The following DSC1 variants were observed in gnomAD, a reference collection of about 807,000 sequenced individuals.
DSC1 encodes the protein desmocollin-1.
In DSC1, 79 loss-of-function variants were observed where a neutral mutation model predicts 98.8. The ratio of observed to expected loss-of-function variants is 0.80; its 90% CI spans 0.67 to 0.96. DSC1 has a LOEUF of 0.96. Among genes scored for constraint, DSC1 ranks in the 50% least tolerant of loss-of-function variants. The pLI is 0.00. For synonymous variants in DSC1, 405 were observed against 372.1 expected, an observed-to-expected ratio of 1.09 and a Z score of -1.02; for missense variants, 1,115 against 1,075.9, an observed-to-expected ratio of 1.04 and a Z score of -0.51.
chr18:31,134,530 C>A, intron 12 of DSC1, 42 bp downstream of exon 12: 1 of 1,446,896 alleles, frequency 6.9e-7, no homozygotes. Context: ...CATCACCAAT[C>A]TGAAGTCCGT....
intron 12 of DSC1, 104 bp from the exon 13 acceptor site, chr18:31,134,234 T>C: frequency 7.1e-7 from 1 of 1,407,828 alleles, no homozygotes; most frequent in African/African-American, 1.5e-5. Context: ...GAATAAAAAC[T>C]CGAATTTTTC....
intron 5 of DSC1, among the ~76,000 whole-genome samples, chr18:31,153,812 G>A (rs188797035): frequency 3.9e-5 from 6 of 152,056 alleles, no homozygotes; most frequent in Admixed American, 3.9e-4. Flanking sequence ...GCATCTTCCT[G>A]GAATACTTGT....
chr18:31,155,147 CT>C (rs1989071573), intron 4 of DSC1, among the ~76,000 whole-genome samples: 1 of 152,102 alleles, frequency 6.6e-6, no homozygotes. Flanking sequence ...TTGATCTCAA[CT>C]TTTTTGTCAT....
At chr18:31,148,949 C>T (rs1988904315) in intron 5 of DSC1, among the ~76,000 whole-genome samples, 1 of 152,150 alleles carries the variant, frequency 6.6e-6, no homozygotes. Context: ...CCAACTATGT[C>T]ATTAACACGT....
chr18:31,130,761 A>G (rs1234257016), intron 15 of DSC1, 50 bp from the exon 16 acceptor site: 2 of 1,611,876 alleles, frequency 1.2e-6, no homozygotes, highest in Non-Finnish European at 1.7e-6. Context: ...ACACCTAAAC[A>G]TATTAGCAGA....
intron 15 of DSC1, chr18:31,130,922 C>T (rs1211789380): frequency 7.5e-7 from 1 of 1,334,136 alleles, no homozygotes; most frequent in Admixed American, 2.3e-5. Flanking sequence ...CTAGTGAGCA[C>T]ATTTAAAAAA....
intron 11 of DSC1, among the ~76,000 whole-genome samples, chr18:31,138,599 T>C (rs1432867083): frequency 1.6e-5 from 2 of 123,924 alleles, no homozygotes; most frequent in Non-Finnish European, 3.5e-5. Flanking sequence ...TGAGAACACA[T>C]TGTTTGCATT....
At position 31,158,354 on chromosome 18, in the gene DSC1, A is replaced by G. The variant is rs561855453; in HGVS notation, c.149-781T>C. 2.6e-5 allele frequency among the ~76,000 whole-genome samples: 4 copies of G among 152,338 alleles called. No individual in the cohort carries two copies. The East Asian group carries it at 5.8e-4, about 22-fold the overall frequency. ...AATAATCTTTCTGTAATATCTTTCA[A>G]GGTTTAGTAAACCCGATGCGCTGTG... On this transcript the variant is annotated intron_variant, in intron 2 of 15. Coordinates refer to ENST00000257198, the MANE Select transcript of DSC1 (RefSeq NM_024421.2).
chr18:31,158,697 C>CA (rs1269887501), intron 2 of DSC1, among the ~76,000 whole-genome samples: 1 of 152,118 alleles, frequency 6.6e-6, no homozygotes, highest in Non-Finnish European at 1.5e-5. Flanking sequence ...AAATATGTCA[C>CA]ATTTATTCTT....
At chr18:31,132,514 A>G in intron 14 of DSC1, 54 bp downstream of exon 14, 1 of 1,598,470 alleles carries the variant, frequency 6.3e-7, no homozygotes, top group Non-Finnish European at 8.5e-7. Flanking sequence ...TTGAGTAATA[A>G]TCTGTCATCA....
At chr18:31,139,580 A>C (rs1190921693) in intron 11 of DSC1, among the ~76,000 whole-genome samples, 168 bp downstream of exon 11, 1 of 152,172 alleles carries the variant, frequency 6.6e-6, no homozygotes, top group Non-Finnish European at 1.5e-5. Context: ...ATAGCTTTGC[A>C]TTATAGATGC....
chr18:31,135,605 A>G (rs1048956356), intron 11 of DSC1, among the ~76,000 whole-genome samples: 4 of 152,154 alleles, frequency 2.6e-5, no homozygotes, highest in African/African-American at 7.2e-5. Flanking sequence ...AATGCAATTC[A>G]TATGTTCTTG....
chr18:31,143,680 G>A lies in DSC1; in HGVS notation c.1051C>T (p.Pro351Ser). Residue 351 changes from proline (P) to serine (S), a missense_variant, in exon 8 of 16, where the codon CCA becomes TCA. Transcript: ENST00000257198. ...ACAGAAGTTTCTGTGAAAGATGGTG[G>A]ATTGTCATTTTCATCCTCAAGTGAA... ...TISLEDENDN[P>S]PSFTETSYVT... is the part of the protein sequence containing the mutation. 1 of 1,584,882 alleles carries A rather than the reference G, an allele frequency of 6.3e-7. No individual in the cohort carries two copies. Among genetic ancestry groups the A allele is most frequent in the South Asian group, 1.2e-5 (1 of 85,704 alleles).
chr18:31,160,564 C>T (rs983702653), intron 1 of DSC1, among the ~76,000 whole-genome samples: 9 of 151,856 alleles, frequency 5.9e-5, no homozygotes, highest in Non-Finnish European at 1.3e-4. Flanking sequence ...TGTAATTTTA[C>T]AAAAATCTAT....
At chr18:31,159,358 T>C (rs1989166944) in intron 2 of DSC1, 87 bp downstream of exon 2, 3 of 1,385,074 alleles carry the variant, frequency 2.2e-6, no homozygotes, top group African/African-American at 2.9e-5. Flanking sequence ...CGGCCTACTA[T>C]GTGGTTTTTA....
In DSC1 at chr18:31,130,622, G is replaced by T; in HGVS notation, c.2577C>A (p.Ala859=). Residue 859 remains alanine (A), a synonymous_variant, in exon 16 of 16, where the codon GCC becomes GCA. Coordinates refer to ENST00000257198, the MANE Select transcript of DSC1 (RefSeq NM_024421.2). ...SYNYEGKGSL[A]GSVGCCSDRQ... is the part of the protein sequence containing the mutation. ...GATCGCTGCAGCAACCTACTGAGCC[G>T]GCCAGAGAACCTTTGCCTTCATAGT... The T allele has an allele frequency of 6.2e-7, 1 of 1,614,070 alleles. No homozygotes were observed. The highest frequency in any genetic ancestry group is 8.5e-7 in the Non-Finnish European group (1 of 1,180,012).
intron 5 of DSC1, among the ~76,000 whole-genome samples, chr18:31,152,635 A>T (rs1031686008): frequency 6.6e-6 from 1 of 152,078 alleles, no homozygotes; most frequent in African/African-American, 2.4e-5. Flanking sequence ...TCAGAACACT[A>T]CTGAGGTTGG....
chr18:31,156,343 C>T (rs1204493835), intron 3 of DSC1, among the ~76,000 whole-genome samples, 181 bp from the exon 4 acceptor site: 3 of 152,122 alleles, frequency 2.0e-5, no homozygotes, highest in Non-Finnish European at 4.4e-5. Context: ...TATGTTCCCC[C>T]GTTCTACCTA....
At position 31,139,812 on chromosome 18, in the gene DSC1, T is replaced by C. The variant is rs1240753651; in HGVS notation, c.1599A>G (p.Leu533=). 2.5e-6 allele frequency: 4 copies of C among 1,612,420 alleles called. No individual in the cohort carries two copies. The highest frequency in any genetic ancestry group is 4.5e-5 in the East Asian group (2 of 44,826). Residue 533 remains leucine, a synonymous_variant, in exon 11 of 16, where the codon CTA becomes CTG. Transcript: ENST00000257198. ...HTGDLRTLKV[L]DRESKFVKNN... ...TTTTTACAAATTTGGATTCTCTATC[T>C]AGTACTTTTAGAGTTCTCAAGTCGC...
Sources: gnomAD v4.1 joint callset for allele counts (sites outside exome capture counted in the v4.1 genomes callset) on GRCh38, gnomAD v4.1.1 for gene constraint, MANE v1.5 for transcripts, NCBI Gene and HGNC (gene_info 2026-07-23, HGNC 2026-07-21) for gene names.